RUFY2: variants seen among roughly 807,000 people sequenced by gnomAD.
RUFY2 encodes the protein RUN and FYVE domain-containing protein 2.
RUFY2 carries 49 observed loss-of-function variants against 94.4 expected under a neutral mutation model. That is an observed-to-expected ratio of 0.52 (90% CI 0.41 to 0.66). The LOEUF (loss-of-function observed/expected upper bound fraction) is 0.66, where lower values mean the gene tolerates loss of function less well. Ranked by LOEUF, RUFY2 falls within the 30% of genes least tolerant of loss-of-function variation. The pLI is 0.00. For missense variants in RUFY2, 541 were observed against 692.8 expected, an observed-to-expected ratio of 0.78 and a Z score of 2.46; for synonymous variants, 255 against 235.7, an observed-to-expected ratio of 1.08 and a Z score of -0.75.
In RUFY2 at chr10:68,400,207, T is replaced by C. The variant is rs188827485; in HGVS notation, c.296+1413A>G. On this transcript the variant is annotated intron_variant, in intron 3 of 17. Coordinates refer to ENST00000602465, the MANE Select transcript of RUFY2 (RefSeq NM_001330103.2). ...GGCACATGCCTGTAATCCCAGCTACTTGGGAGGCTGAGGCACGAGAATCAC... is the reference window on the plus strand; with the variant it reads ...GGCACATGCCTGTAATCCCAGCTACCTGGGAGGCTGAGGCACGAGAATCAC... 8.2e-3 allele frequency among the ~76,000 whole-genome samples: 1,240 copies of C among 152,112 alleles called. 17 individuals are homozygous for C. Among genetic ancestry groups the C allele is most frequent in the African/African-American group, 0.028 (1,156 of 41,552 alleles).
At chr10:68,361,174 T>A (rs557919304) in intron 15 of RUFY2, among the ~76,000 whole-genome samples, 1 of 150,574 alleles carries the variant, frequency 6.6e-6, no homozygotes, top group Non-Finnish European at 1.5e-5. Flanking sequence ...CTCAGGAGGC[T>A]GGGGCAGAAG....
intron 16 of RUFY2, chr10:68,346,473 T>C (rs540341307): frequency 6.9e-4 from 117 of 170,682 alleles, no homozygotes; most frequent in African/African-American, 2.6e-3. Flanking sequence ...ATGATAAATA[T>C]TGAAATGGGT....
intron 15 of RUFY2, among the ~76,000 whole-genome samples, chr10:68,358,297 C>G (rs1479828262): frequency 1.3e-5 from 2 of 152,174 alleles, no homozygotes; most frequent in Non-Finnish European, 2.9e-5. Flanking sequence ...ATATCAGATA[C>G]TAAAGCCTCT....
In RUFY2 at chr10:68,376,953, C is replaced by T. The variant is rs755085962; in HGVS notation, c.1225G>A (p.Ala409Thr). The T allele has an allele frequency of 3.7e-6, 6 of 1,613,386 alleles. No individual in the cohort carries two copies. In the South Asian group the frequency reaches 6.6e-5, roughly 18 times the overall value. The part of the protein sequence containing the change: ...LEQRLQQAEK[A>T]QMEAEDEDEK... ...TCCTCATCTTCAGCTTCCATTTGCG[C>T]CTTCTCTGCTTGCTGCAATCTGGTG... The change falls in exon 13 of 18, where the codon GCG becomes ACG. Residue 409 changes from alanine (A) to threonine (T), a missense_variant. Physicochemically the swap from Ala to Thr is moderately conservative, Grantham distance 58. Transcript: ENST00000602465.
chr10:68,406,712 C>T, intron 1 of RUFY2: 3 of 1,547,680 alleles, frequency 1.9e-6, no homozygotes, highest in Non-Finnish European at 2.6e-6. Flanking sequence ...CAAGGCTGCC[C>T]AGAGGCCTGG....
At chr10:68,341,707 G>C (rs1326623952), downstream of RUFY2, 2 of 1,583,518 alleles carry the variant, frequency 1.3e-6, no homozygotes, top group African/African-American at 2.7e-5. Flanking sequence ...AAATATGCAG[G>C]GTTAGCTGCT....
chr10:68,363,076 C>A (rs1162555101), intron 15 of RUFY2, among the ~76,000 whole-genome samples: 1 of 152,194 alleles, frequency 6.6e-6, no homozygotes, highest in African/African-American at 2.4e-5. Context: ...TAGCTTTCAT[C>A]TACTGGGAAA....
intron 1 of RUFY2, chr10:68,405,469 A>C (rs2133288764): frequency 1.0e-6 from 1 of 976,486 alleles, no homozygotes; most frequent in East Asian, 1.1e-4. Context: ...TGAGTTTTTT[A>C]AAATGATCTT....
At chr10:68,405,505 G>GACA (rs1379169265) in intron 1 of RUFY2, 9 of 939,762 alleles carry the variant, frequency 9.6e-6, no homozygotes, top group Non-Finnish European at 1.0e-5. Context: ...TGGGGTGAGA[G>GACA]ACAACAGGTT....
intron 13 of RUFY2, among the ~76,000 whole-genome samples, chr10:68,366,327 T>C (rs1392242034): frequency 9.9e-5 from 6 of 60,412 alleles, no homozygotes; most frequent in African/African-American, 3.4e-4. Flanking sequence ...AAGAACTCCA[T>C]CTCAAAAAAA....
intron 13 of RUFY2, among the ~76,000 whole-genome samples, chr10:68,367,568 C>T (rs1223716528): frequency 2.0e-5 from 3 of 152,168 alleles, no homozygotes; most frequent in Non-Finnish European, 2.9e-5. Flanking sequence ...AATCCTTTTG[C>T]TTCATCTTGC....
At chr10:68,353,627 T>C (rs80167329) in intron 16 of RUFY2, among the ~76,000 whole-genome samples, 4 of 151,688 alleles carry the variant, frequency 2.6e-5, no homozygotes, top group African/African-American at 9.7e-5. Context: ...CAGCAGATAC[T>C]GTCTCTACAA....
chr10:68,357,200 T>G (rs1373929414), intron 15 of RUFY2, among the ~76,000 whole-genome samples: 3 of 151,044 alleles, frequency 2.0e-5, no homozygotes, highest in Non-Finnish European at 2.9e-5. Context: ...ATACATATGT[T>G]GGGATCAATT....
In RUFY2 at chr10:68,404,275, T is replaced by C. The variant is rs967250051; in HGVS notation, c.178+396A>G. On this transcript the variant is annotated intron_variant, in intron 2 of 17. Transcript: ENST00000602465. ...AGATATTTCTACATATGTTCGTGTATATATCTAGGAGGTTTCTATTTCAAC... is the reference window on the plus strand; with the variant it reads ...AGATATTTCTACATATGTTCGTGTACATATCTAGGAGGTTTCTATTTCAAC... Among the ~76,000 whole-genome samples, 4 of 152,192 alleles carry C rather than the reference T, an allele frequency of 2.6e-5. No homozygotes were observed. The East Asian group carries it at 5.8e-4, about 22-fold the overall frequency.
At chr10:68,363,052 T>C (rs985362957) in intron 15 of RUFY2, among the ~76,000 whole-genome samples, 20 of 152,226 alleles carry the variant, frequency 1.3e-4, no homozygotes, top group Non-Finnish European at 1.9e-4. Context: ...ATTGAATAAA[T>C]TGAACAAGAG....
chr10:68,376,755 A>ATTAG, intron 13 of RUFY2, 98 bp downstream of exon 13: 1 of 1,190,790 alleles, frequency 8.4e-7, no homozygotes, highest in Non-Finnish European at 1.2e-6. Context: ...AACTGGCATC[A>ATTAG]TTAGATAAAT....
At chr10:68,370,362 G>A (rs1367210284) in intron 13 of RUFY2, among the ~76,000 whole-genome samples, 1 of 151,592 alleles carries the variant, frequency 6.6e-6, no homozygotes, top group African/African-American at 2.4e-5. Flanking sequence ...AAAACAAAGT[G>A]TCTCTGAAGC....
intron 16 of RUFY2, 33 bp downstream of exon 16, chr10:68,355,320 T>A: frequency 6.5e-7 from 1 of 1,537,802 alleles, no homozygotes; most frequent in Non-Finnish European, 9.0e-7. Context: ...GACTTTCACA[T>A]ACCTTCCCAC....
rs754041759 is a variant in RUFY2, at chr10:68,345,814, G to C, written c.1775C>G (p.Ser592Cys). 6.2e-7 allele frequency: 1 copy of C among 1,613,902 alleles called. No individual in the cohort carries two copies. The highest frequency in any genetic ancestry group is 1.3e-5 in the African/African-American group (1 of 75,034). The change falls in exon 18 of 18, where the codon TCC becomes TGC. Residue 592 changes from serine to cysteine, a missense_variant. By Grantham distance (112) the Ser-to-Cys change is moderately radical. Transcript: ENST00000602465. Reference protein sequence around the residue: ...SSPKPVRVCDSCHALLIQRCS... With the variant: ...SSPKPVRVCDCCHALLIQRCS... ...TCTCTGAATGAGCAGTGCATGACAGGAATCACAAACCCGTACTGGTTTTGG... is the reference window on the plus strand; with the variant it reads ...TCTCTGAATGAGCAGTGCATGACAGCAATCACAAACCCGTACTGGTTTTGG...
Sources: gnomAD v4.1 joint callset for allele counts (sites outside exome capture counted in the v4.1 genomes callset) on GRCh38, gnomAD v4.1.1 for gene constraint, MANE v1.5 for transcripts, NCBI Gene and HGNC (gene_info 2026-07-23, HGNC 2026-07-21) for gene names.